The following CPQ variants were observed in gnomAD, a reference collection of about 807,000 sequenced individuals.
CPQ encodes the protein carboxypeptidase Q.
CPQ carries 37 observed loss-of-function variants against 45.7 expected under a neutral mutation model. The observed-to-expected ratio is 0.81, with a 90% CI of 0.62 to 1.07. The LOEUF (loss-of-function observed/expected upper bound fraction) is 1.07, where lower values mean the gene tolerates loss of function less well. CPQ is among the 50% of genes least tolerant of loss of function. The pLI is 0.00. For missense variants in CPQ, 537 were observed against 572.9 expected (o/e 0.94, Z 0.64); for synonymous variants, 186 against 205.8 (o/e 0.90, Z 0.82).
chr8:96,695,098 A>G (rs1361604391), intron 1 of CPQ, among the ~76,000 whole-genome samples: 2 of 136,198 alleles, frequency 1.5e-5, no homozygotes, highest in Non-Finnish European at 1.6e-5. Flanking sequence ...AGAGATATAG[A>G]TCAATGGAAC....
At chr8:96,857,627 A>T (rs1414112453) in intron 3 of CPQ, among the ~76,000 whole-genome samples, 1 of 152,200 alleles carries the variant, frequency 6.6e-6, no homozygotes, top group Non-Finnish European at 1.5e-5. Flanking sequence ...GCAGCCAGAA[A>T]AGACATTTTA....
At chr8:96,722,004 G>A (rs1478782355) in intron 1 of CPQ, among the ~76,000 whole-genome samples, 1 of 152,060 alleles carries the variant, frequency 6.6e-6, no homozygotes, top group Non-Finnish European at 1.5e-5. Flanking sequence ...TAGAGGCCCT[G>A]TTTTATGTTT....
chr8:96,701,179 A>T (rs77990522), intron 1 of CPQ, among the ~76,000 whole-genome samples: 1 of 152,238 alleles, frequency 6.6e-6, no homozygotes, highest in Admixed American at 6.5e-5. Flanking sequence ...ATCCTTGCTC[A>T]GCAACTTACT....
At chr8:96,718,949 T>G (rs1280429321) in intron 1 of CPQ, among the ~76,000 whole-genome samples, 5 of 152,264 alleles carry the variant, frequency 3.3e-5, no homozygotes, top group Non-Finnish European at 7.3e-5. Flanking sequence ...TGCCGATTGC[T>G]GTATTTACAA....
At chr8:97,097,805 GGA>G (rs370633853) in intron 7 of CPQ, among the ~76,000 whole-genome samples, 16 of 150,696 alleles carry the variant, frequency 1.1e-4, no homozygotes, top group African/African-American at 3.2e-4. Context: ...GCCCAGACAA[GGA>G]GAGAGAGAGA....
rs114908303 is a variant in CPQ at position 96,865,094 on chromosome 8, A to C, written c.642-14704A>C. Among the ~76,000 whole-genome samples the C allele has an allele frequency of 7.6e-3, 1,163 of 152,182 alleles. 7 individuals are homozygous for C. Among genetic ancestry groups the C allele is most frequent in the African/African-American group, 0.024 (980 of 41,538 alleles). ...ATTACTGACATTTATAACAATAATA[A>C]TAATAATAAAATAATAAAGATTGGA... On this transcript the variant is annotated intron_variant, in intron 3 of 7. Transcript: ENST00000220763.
intron 1 of CPQ, among the ~76,000 whole-genome samples, chr8:96,667,426 G>A (rs993576095): frequency 1.4e-5 from 2 of 147,710 alleles, no homozygotes; most frequent in African/African-American, 2.5e-5. Flanking sequence ...TCGGCTCACT[G>A]CAACCTCCGC....
chr8:97,123,251 A>T (rs1019797632), intron 7 of CPQ, among the ~76,000 whole-genome samples: 6 of 144,792 alleles, frequency 4.1e-5, no homozygotes, highest in Non-Finnish European at 9.1e-5. Flanking sequence ...AAAATAAAAT[A>T]AAAATAAAAT....
rs892067049 is a variant in CPQ, at chr8:96,988,932, G to A, written c.961+22886G>A. Among the ~76,000 whole-genome samples, 6 of 152,254 alleles carry A rather than the reference G, an allele frequency of 3.9e-5. No homozygotes were observed. The East Asian group carries it at 7.7e-4, about 20-fold the overall frequency. On this transcript the variant is annotated intron_variant, in intron 5 of 7. Coordinates refer to ENST00000220763, the MANE Select transcript of CPQ (RefSeq NM_016134.4). ...ATTCTCTTCGCAGGAAATACATCTT[G>A]ACCAAATATTTTTTGCCAAATACTT...
At chr8:96,862,966 T>G (rs1041237332) in intron 3 of CPQ, among the ~76,000 whole-genome samples, 2 of 152,096 alleles carry the variant, frequency 1.3e-5, no homozygotes, top group African/African-American at 4.8e-5. Flanking sequence ...GGCAGGAGAC[T>G]GAGTCCCAAA....
intron 4 of CPQ, among the ~76,000 whole-genome samples, chr8:96,928,241 C>T (rs1373288572): frequency 6.6e-6 from 1 of 152,068 alleles, no homozygotes; most frequent in African/African-American, 2.4e-5. Flanking sequence ...AACCTTCCTC[C>T]TTTGTGCTTT....
At chr8:97,018,449 CCAGAGAGAAA>C (rs1809619009) in intron 5 of CPQ, among the ~76,000 whole-genome samples, 1 of 151,870 alleles carries the variant, frequency 6.6e-6, no homozygotes, top group Non-Finnish European at 1.5e-5. Flanking sequence ...CAGGGAGGTA[CCAGAGAGAAA>C]CAAAGCCCAG....
chr8:96,786,684 G>A (rs1420870266), intron 2 of CPQ, among the ~76,000 whole-genome samples: 1 of 152,052 alleles, frequency 6.6e-6, no homozygotes, highest in Admixed American at 6.6e-5. Context: ...GCCAACACTT[G>A]TTATTATCTG....
intron 4 of CPQ, among the ~76,000 whole-genome samples, chr8:96,913,863 C>T (rs1283704102): frequency 6.6e-6 from 1 of 152,154 alleles, no homozygotes; most frequent in African/African-American, 2.4e-5. Flanking sequence ...ACCTTGAACA[C>T]CACAGGAAAA....
intron 1 of CPQ, among the ~76,000 whole-genome samples, chr8:96,647,855 A>G (rs1413996735): frequency 1.3e-5 from 2 of 152,232 alleles, no homozygotes; most frequent in Non-Finnish European, 2.9e-5. Flanking sequence ...GGGAATATAA[A>G]ATGAGTGACA....
chr8:96,720,933 T>G (rs117212908), intron 1 of CPQ, among the ~76,000 whole-genome samples: 7 of 151,850 alleles, frequency 4.6e-5, no homozygotes, highest in Non-Finnish European at 1.0e-4. Flanking sequence ...TGCTGGATGC[T>G]CCAAAGATTA....
chr8:96,979,921 C>T (rs897344179), intron 5 of CPQ, among the ~76,000 whole-genome samples: 1 of 152,108 alleles, frequency 6.6e-6, no homozygotes, highest in Non-Finnish European at 1.5e-5. Context: ...CTGACACTAG[C>T]ATTTTCAGAC....
chr8:96,811,246 G>A (rs568318357), intron 2 of CPQ, among the ~76,000 whole-genome samples: 15 of 151,760 alleles, frequency 9.9e-5, no homozygotes, highest in Admixed American at 5.2e-4. Flanking sequence ...TTTCATAAAC[G>A]TATTCTTTTA....
chr8:96,958,277 A>G (rs79348324), intron 4 of CPQ, among the ~76,000 whole-genome samples: 3,625 of 152,274 alleles, frequency 0.024, 95 homozygotes, highest in African/African-American at 0.066. Flanking sequence ...AAGATGATCA[A>G]TATTAACATA....
Sources: allele counts gnomAD v4.1 joint callset (sites outside exome capture counted in the v4.1 genomes callset), GRCh38; gene constraint gnomAD v4.1.1; transcripts MANE v1.5; gene names NCBI Gene and HGNC (gene_info 2026-07-23, HGNC 2026-07-21).